The following STK32C variants were observed in gnomAD, a reference collection of about 807,000 sequenced individuals.
STK32C encodes the protein serine/threonine kinase 32C, also known as serine/threonine-protein kinase 32C.
Under a neutral mutation model 56.5 loss-of-function variants are expected in STK32C, and 31 were observed. That is an observed-to-expected ratio of 0.55 (90% CI 0.41 to 0.74). The LOEUF (loss-of-function observed/expected upper bound fraction) is 0.74, where lower values mean the gene tolerates loss of function less well. STK32C is among the 30% of genes least tolerant of loss of function. The pLI is 0.00. For missense variants in STK32C, 544 were observed against 676.9 expected (o/e 0.80, Z 2.18); for synonymous variants, 309 against 289.4 (o/e 1.07, Z -0.69).
intron 7 of STK32C, among the ~76,000 whole-genome samples, 187 bp from the exon 8 acceptor site, chr10:132,224,710 G>C (rs2062817802): frequency 6.6e-6 from 1 of 151,990 alleles, no homozygotes; most frequent in African/African-American, 2.4e-5. Flanking sequence ...CTTACGCCTG[G>C]GTCCTGCGCC....
At chr10:132,246,073 A>G (rs548897834) in intron 1 of STK32C, 118 bp from the exon 2 acceptor site, 1 of 1,057,604 alleles carries the variant, frequency 9.5e-7, no homozygotes. Flanking sequence ...ATCCTAGAAG[A>G]GGGTCGCCGT....
intron 8 of STK32C, among the ~76,000 whole-genome samples, chr10:132,224,185 T>C (rs1294816197): frequency 1.3e-5 from 2 of 152,074 alleles, no homozygotes; most frequent in East Asian, 3.9e-4. Context: ...ACCAGTGACC[T>C]GGTAGGGCTC....
chr10:132,252,225 C>A (rs545154126), intron 1 of STK32C, among the ~76,000 whole-genome samples: 1 of 152,378 alleles, frequency 6.6e-6, no homozygotes, highest in Admixed American at 6.5e-5. Flanking sequence ...AGGAGGGAGA[C>A]AACCTCCTGG....
chr10:132,243,543 C>T (rs76107891), intron 2 of STK32C, among the ~76,000 whole-genome samples: 3 of 152,094 alleles, frequency 2.0e-5, no homozygotes, highest in Non-Finnish European at 4.4e-5. Flanking sequence ...AATTAACTAC[C>T]GCCACCACTT....
chr10:132,254,047 T>C (rs55848936), intron 1 of STK32C, among the ~76,000 whole-genome samples: 8,795 of 152,210 alleles, frequency 0.058, 738 homozygotes, highest in African/African-American at 0.18. Flanking sequence ...CGGTGGCTCA[T>C]GCCTGTAATC....
At chr10:132,264,435 G>A (rs2064423532) in intron 1 of STK32C, among the ~76,000 whole-genome samples, 1 of 152,188 alleles carries the variant, frequency 6.6e-6, no homozygotes, top group Non-Finnish European at 1.5e-5. Flanking sequence ...TAGGTGGGCG[G>A]GACGCACAGG....
At chr10:132,295,496 G>A (rs1244345716) in intron 1 of STK32C, among the ~76,000 whole-genome samples, 3 of 152,212 alleles carry the variant, frequency 2.0e-5, no homozygotes, top group South Asian at 4.1e-4. Context: ...AAGCAGTGAC[G>A]AATTACAACC....
intron 2 of STK32C, among the ~76,000 whole-genome samples, chr10:132,229,300 C>A (rs2063010637): frequency 6.6e-6 from 1 of 152,164 alleles, no homozygotes; most frequent in African/African-American, 2.4e-5. Flanking sequence ...ATGGATGATT[C>A]TGGATCTCAA....
chr10:132,317,439 C>G (rs1021391329), intron 1 of STK32C, among the ~76,000 whole-genome samples: 11 of 152,154 alleles, frequency 7.2e-5, no homozygotes, highest in Non-Finnish European at 1.5e-4. Flanking sequence ...ATTAAGAAAA[C>G]AGACAAGGGG....
chr10:132,320,347 T>C (rs1360174374), downstream of STK32C, among the ~76,000 whole-genome samples: 1 of 151,958 alleles, frequency 6.6e-6, no homozygotes, highest in East Asian at 1.9e-4. Context: ...TAGCGTGACC[T>C]GACTCAGCTT....
intron 2 of STK32C, among the ~76,000 whole-genome samples, chr10:132,237,248 C>T (rs1250036063): frequency 6.6e-6 from 1 of 152,168 alleles, no homozygotes; most frequent in Non-Finnish European, 1.5e-5. Context: ...CTGCCCTCCA[C>T]TGGCGTTTGC....
At chr10:132,302,688 C>T (rs1363336064) in intron 1 of STK32C, among the ~76,000 whole-genome samples, 6 of 152,286 alleles carry the variant, frequency 3.9e-5, no homozygotes, top group Admixed American at 6.5e-5. Context: ...AAAGAGCACC[C>T]TCCAAAATGC....
At chr10:132,218,786 T>A (rs2062545596) in intron 10 of STK32C, among the ~76,000 whole-genome samples, 1 of 152,110 alleles carries the variant, frequency 6.6e-6, no homozygotes, top group South Asian at 2.1e-4. Context: ...ATGAAAAATG[T>A]TAACAAGTGG....
chr10:132,250,979 C>T (rs370446134), intron 1 of STK32C, among the ~76,000 whole-genome samples: 60 of 152,282 alleles, frequency 3.9e-4, no homozygotes, highest in East Asian at 1.7e-3. Context: ...GGTACAGTGG[C>T]GGTCTGCATA....
intron 10 of STK32C, among the ~76,000 whole-genome samples, chr10:132,211,694 A>G (rs900828672): frequency 6.6e-6 from 1 of 152,158 alleles, no homozygotes; most frequent in African/African-American, 2.4e-5. Context: ...CTTTGCCAGC[A>G]CACACACAGT....
intron 1 of STK32C, among the ~76,000 whole-genome samples, chr10:132,327,011 G>A (rs1409310516): frequency 2.6e-5 from 4 of 152,176 alleles, no homozygotes; most frequent in Non-Finnish European, 5.9e-5. Flanking sequence ...TTTATTTCCT[G>A]TACTGGAAAA....
intron 10 of STK32C, among the ~76,000 whole-genome samples, chr10:132,211,351 C>T (rs1122630): frequency 0.55 from 83,890 of 152,000 alleles, 24,114 homozygotes; most frequent in Admixed American, 0.68. Context: ...GCCAGTGATG[C>T]AGAACATGAG....
chr10:132,331,925 C>G, upstream of STK32C: 1 of 661,066 alleles, frequency 1.5e-6, no homozygotes, highest in South Asian at 2.2e-5. Flanking sequence ...AACCCCCCCA[C>G]CGCAAGCGCA....
rs373654130 is a variant in STK32C, at chr10:132,242,236, C to T, written c.318+3664G>A. On this transcript the variant is annotated intron_variant, in intron 2 of 11. Coordinates refer to ENST00000298630, the MANE Select transcript of STK32C (RefSeq NM_173575.4). The stretch of plus-strand genomic sequence containing the variant: ...ATGTATGGGGGCCAGGGGCTGGTGT[C>T]CTCTGAGAGGGGCCATGAGCTGGGA... Among the ~76,000 whole-genome samples the T allele has an allele frequency of 5.9e-5, 9 of 152,240 alleles. No individual in the cohort carries two copies. In the South Asian group the frequency reaches 1.5e-3, roughly 25 times the overall value.
Sources: allele counts gnomAD v4.1 joint callset (sites outside exome capture counted in the v4.1 genomes callset), GRCh38; gene constraint gnomAD v4.1.1; transcripts MANE v1.5; gene names NCBI Gene and HGNC (gene_info 2026-07-23, HGNC 2026-07-21).